The following TET3 variants were observed in gnomAD, a reference collection of about 807,000 sequenced individuals.
TET3 encodes tet methylcytosine dioxygenase 3.
Under a neutral mutation model 141.4 loss-of-function variants are expected in TET3, and 19 were observed. The observed-to-expected ratio is 0.13, with a 90% CI of 0.09 to 0.20. The LOEUF (loss-of-function observed/expected upper bound fraction) is 0.20, where lower values mean the gene tolerates loss of function less well. Among genes scored for constraint, TET3 ranks in the 10% least tolerant of loss-of-function variants. The probability of loss-of-function intolerance (pLI) is 1.00; values close to 1 mark genes in which losing one functional copy is unlikely to be tolerated. For missense variants in TET3, 1,874 were observed against 2,356.9 expected, an observed-to-expected ratio of 0.80 and a Z score of 4.24; for synonymous variants, 1,043 against 980.9, an observed-to-expected ratio of 1.06 and a Z score of -1.18.
chr2:74,022,512 CTT>C (rs59928885), intron 3 of TET3, among the ~76,000 whole-genome samples: 1 of 141,436 alleles, frequency 7.1e-6, no homozygotes. Context: ...TTTTGCCAAA[CTT>C]TTTTTTTTTT....
chr2:74,115,369 C>T, the TET3 span, among the ~76,000 whole-genome samples: 4 of 152,144 alleles, frequency 2.6e-5, no homozygotes, highest in South Asian at 2.1e-4. Context: ...AGCTAAGCCA[C>T]GGGATAAAAA....
intron 3 of TET3, among the ~76,000 whole-genome samples, chr2:74,033,039 T>G (rs1285823117): frequency 6.6e-6 from 1 of 152,222 alleles, no homozygotes; most frequent in East Asian, 1.9e-4. Context: ...GTGTTATAAC[T>G]GCGTACAGCT....
rs761470807 is a variant in TET3 at position 74,106,214 on chromosome 2, T to C, written c.*4038T>C. 1 of 152,202 alleles carries C rather than the reference T, an allele frequency of 6.6e-6. No individual in the cohort carries two copies. Among genetic ancestry groups the C allele is most frequent in the African/African-American group, 2.4e-5 (1 of 41,430 alleles). The allele number at this position is 152,202 out of a possible 1,614,324, so 9.4% of individuals were successfully genotyped here. A position where few individuals can be genotyped will look rare whatever the true frequency, so the allele number is the denominator to read the frequency against. Reference sequence around the variant, plus strand: ...TCCCTTGGTGGCCAAACAAAGCAAGTCGAGAAGGCAGCTATCTCCCTTTCT... The same window carrying C: ...TCCCTTGGTGGCCAAACAAAGCAAGCCGAGAAGGCAGCTATCTCCCTTTCT... On this transcript the variant is annotated 3_prime_UTR_variant, in exon 12 of 12. Coordinates refer to ENST00000409262, the MANE Select transcript of TET3 (RefSeq NM_001287491.2).
rs200934650 is a variant in TET3 at position 74,101,029 on chromosome 2, C to T, written c.4241C>T (p.Ala1414Val). 1.9e-5 allele frequency: 31 copies of T among 1,613,118 alleles called. No homozygotes were observed. In the Admixed American group the frequency reaches 4.8e-4, roughly 25 times the overall value. Residue 1414 changes from alanine (A) to valine (V), a missense_variant, in exon 12 of 12, where the codon GCT becomes GTT. Ala to Val is a moderately conservative substitution (Grantham distance 64). This residue lies in a region of TET3 where 602 missense variants were observed against 590.2 expected (regional missense o/e 1.02). Transcript: ENST00000409262. This position sits in a 1 kb window ranked among gnomAD's most constrained non-coding sequence, Gnocchi z 8.5. ...LTQAEPVPRD[A>V]GKMGKTPLSE... ...CAGGCTGAGCCTGTGCCCAGAGACG[C>T]TGGCAAGATGGGCAAGACACCTCTG...
At chr2:74,088,613 C>T (rs572119656) in intron 7 of TET3, among the ~76,000 whole-genome samples, 1 of 152,288 alleles carries the variant, frequency 6.6e-6, no homozygotes, top group African/African-American at 2.4e-5. Flanking sequence ...TGCACTCCAG[C>T]CTGGGCAACA....
chr2:74,074,331 T>C (rs1390832184), intron 5 of TET3, among the ~76,000 whole-genome samples: 1 of 152,242 alleles, frequency 6.6e-6, no homozygotes, highest in Admixed American at 6.5e-5. Context: ...GTTCATTGTT[T>C]TTAGGCTGCT....
intron 3 of TET3, among the ~76,000 whole-genome samples, chr2:74,017,025 C>T (rs1312999443): frequency 1.3e-5 from 2 of 152,080 alleles, no homozygotes; most frequent in Non-Finnish European, 2.9e-5. Context: ...GTGGCACACT[C>T]CTATAATCTC....
At chr2:74,134,581 G>A in the TET3 span, 1 of 416,400 alleles carries the variant, frequency 2.4e-6, no homozygotes, top group South Asian at 1.7e-5. Flanking sequence ...AAAGGAGTGT[G>A]AGAGAGGAGT....
intron 4 of TET3, among the ~76,000 whole-genome samples, chr2:74,066,250 A>G (rs72907160): frequency 0.052 from 7,910 of 152,188 alleles, 694 homozygotes; most frequent in African/African-American, 0.18. Context: ...TATCTCCTTT[A>G]TGTTATGCTT....
Position 74,100,610 on chromosome 2 carries a change from C to A in TET3, c.3822C>A (p.Gly1274=). ...YAQPSLTSVN[G]FHSKYALPSF... ...AGCCCAGCCTGACCTCCGTCAATGG[C>A]TTCCACTCCAAGTACGCTCTCCCGT... The change falls in exon 12 of 12, where the codon GGC becomes GGA. Residue 1274 remains glycine (G), a synonymous_variant. Transcript: ENST00000409262. 1 of 1,613,994 alleles carries A rather than the reference C, an allele frequency of 6.2e-7. No individual in the cohort carries two copies. The highest frequency in any genetic ancestry group is 8.5e-7 in the Non-Finnish European group (1 of 1,179,878).
chr2:74,061,826 G>A (rs1389141532), intron 4 of TET3, among the ~76,000 whole-genome samples: 2 of 127,454 alleles, frequency 1.6e-5, no homozygotes, highest in African/African-American at 7.0e-5. Context: ...GACGATGGGC[G>A]GCCGGGCAGA....
the TET3 span, among the ~76,000 whole-genome samples, chr2:74,126,059 A>G: frequency 6.6e-6 from 1 of 152,244 alleles, no homozygotes; most frequent in South Asian, 2.1e-4. Flanking sequence ...ACAGAAGTAA[A>G]TAAGTACTTG....
intron 3 of TET3, among the ~76,000 whole-genome samples, chr2:74,044,594 C>G (rs990012792): frequency 2.6e-5 from 4 of 152,236 alleles, no homozygotes; most frequent in Non-Finnish European, 2.9e-5. Context: ...ACTGTGGAGC[C>G]TCAGTCGTTT....
intron 3 of TET3, among the ~76,000 whole-genome samples, chr2:74,023,578 G>A (rs1686177704): frequency 6.6e-6 from 1 of 152,318 alleles, no homozygotes; most frequent in East Asian, 1.9e-4. Context: ...GGAACTCAGA[G>A]TTTTTCTGCA....
At position 74,087,925 on chromosome 2, in the gene TET3, C is replaced by T. The variant is rs1690252008; in HGVS notation, c.2775C>T (p.Ile925=). Residue 925 remains isoleucine (I), a synonymous_variant, in exon 7 of 12, where the codon ATC becomes ATT. Transcript: ENST00000409262. This position sits in a 1 kb window ranked among gnomAD's most constrained non-coding sequence, Gnocchi z 4.3. ...AGAACGCTGTGATCGTCATCCTCAT[C>T]CTGGCCTGGGAGGGCATTCCCCGTA... ...HCQNAVIVIL[I]LAWEGIPRSL... 6.4e-7 allele frequency: 1 copy of T among 1,552,496 alleles called. No homozygotes were observed. The highest frequency in any genetic ancestry group is 8.7e-7 in the Non-Finnish European group (1 of 1,147,442).
chr2:74,128,755 A>G, the TET3 span, among the ~76,000 whole-genome samples: 1 of 151,730 alleles, frequency 6.6e-6, no homozygotes, highest in South Asian at 2.1e-4. Context: ...AGGCCAAGGC[A>G]GGAAGATCAC....
At chr2:74,078,285 G>A (rs904186866) in intron 5 of TET3, among the ~76,000 whole-genome samples, 2 of 152,064 alleles carry the variant, frequency 1.3e-5, no homozygotes, top group African/African-American at 2.4e-5. Flanking sequence ...CGAATAAAGC[G>A]CTAAAGTTCA....
downstream of TET3, among the ~76,000 whole-genome samples, chr2:74,109,688 G>A (rs1260441163): frequency 6.6e-6 from 1 of 152,082 alleles, no homozygotes; most frequent in Non-Finnish European, 1.5e-5. Context: ...TCTTGTAACA[G>A]GTCCAGGCCC....
chr2:74,103,747 G>GA lies in TET3; in HGVS notation c.*1571_*1572insA. 6.5e-6 allele frequency: 1 copy of GA among 153,614 alleles called. No homozygotes were observed. Among genetic ancestry groups the GA allele is most frequent in the East Asian group, 1.9e-4 (1 of 5,196 alleles). 9.5% of individuals were successfully genotyped at this position (153,614 alleles called of 1,614,324 possible). ...CTTTGTTGGAGTGTTGGTTTTTCTTGTGATATTAGCAGAAATGATCTCATG... is the reference window on the plus strand; with the variant it reads ...CTTTGTTGGAGTGTTGGTTTTTCTTGATGATATTAGCAGAAATGATCTCATG... On this transcript the variant is annotated 3_prime_UTR_variant, in exon 12 of 12. Coordinates refer to ENST00000409262, the MANE Select transcript of TET3 (RefSeq NM_001287491.2).
Sources: gnomAD v4.1 joint callset for allele counts (sites outside exome capture counted in the v4.1 genomes callset) on GRCh38, gnomAD v4.1.1 for gene constraint, gnomAD v4.1.1 regional missense constraint, Gnocchi (gnomAD v3.1) non-coding constraint, MANE v1.5 for transcripts, NCBI Gene and HGNC (gene_info 2026-07-23, HGNC 2026-07-21) for gene names.